Variants in IQSEC1 observed in about 807,000 individuals in gnomAD.
IQSEC1 encodes IQ motif and Sec7 domain ArfGEF 1.
IQSEC1 carries 31 observed loss-of-function variants against 91.0 expected under a neutral mutation model. That is an observed-to-expected ratio of 0.34 (90% CI 0.26 to 0.46). The LOEUF (loss-of-function observed/expected upper bound fraction) is 0.46, where lower values mean the gene tolerates loss of function less well. IQSEC1 is among the 20% of genes least tolerant of loss of function. IQSEC1 has a pLI of 1.00. For synonymous variants in IQSEC1, 699 were observed against 662.6 expected (o/e 1.05, Z -0.84); for missense variants, 1,388 against 1,575.6 (o/e 0.88, Z 2.02).
At chr3:13,189,222 A>T (rs547814629) in intron 1 of IQSEC1, among the ~76,000 whole-genome samples, 1 of 152,290 alleles carries the variant, frequency 6.6e-6, no homozygotes, top group South Asian at 2.1e-4. Context: ...TGTGCCCATG[A>T]CATTGGCTCC....
At chr3:12,982,936 C>G (rs182646839) in intron 1 of IQSEC1, among the ~76,000 whole-genome samples, 2 of 152,254 alleles carry the variant, frequency 1.3e-5, no homozygotes, top group Non-Finnish European at 2.9e-5. Context: ...TGGCAAGGTG[C>G]GGGCCCAGGT....
At chr3:13,115,011 T>C (rs1448301815) in intron 2 of IQSEC1, among the ~76,000 whole-genome samples, 1 of 151,884 alleles carries the variant, frequency 6.6e-6, no homozygotes, top group Admixed American at 6.6e-5. Flanking sequence ...CTGGGCAGTG[T>C]GGGGAGGCCC....
chr3:12,969,392 C>T (rs1306178051), intron 1 of IQSEC1, among the ~76,000 whole-genome samples: 1 of 152,122 alleles, frequency 6.6e-6, no homozygotes, highest in Non-Finnish European at 1.5e-5. Flanking sequence ...CTCACACTCA[C>T]AAGGAAGGCC....
At chr3:13,006,144 C>G (rs1576153207) in intron 1 of IQSEC1, among the ~76,000 whole-genome samples, 1 of 152,220 alleles carries the variant, frequency 6.6e-6, no homozygotes, top group African/African-American at 2.4e-5. Context: ...TCCTCCCATC[C>G]TGGTACCCAG....
intron 1 of IQSEC1, among the ~76,000 whole-genome samples, chr3:13,233,793 G>C (rs911891303): frequency 1.3e-5 from 2 of 152,156 alleles, no homozygotes; most frequent in South Asian, 2.1e-4. Context: ...CTCCCGGCAG[G>C]CTCCTGGGGA....
chr3:13,080,347 G>A (rs549299453), intron 2 of IQSEC1, among the ~76,000 whole-genome samples: 1 of 152,230 alleles, frequency 6.6e-6, no homozygotes, highest in East Asian at 1.9e-4. Flanking sequence ...GGGTGGGAGA[G>A]GAGAGATGGG....
In IQSEC1 at chr3:12,922,988, C is replaced by T. The variant is rs919742958; in HGVS notation, c.1731-746G>A. ...TGGGGCAGAGAGAGGCCTGGCCACA[C>T]AGGGCCTGACCCCTCTCCCAGGGCC... On this transcript the variant is annotated intron_variant, in intron 4 of 13. Transcript: ENST00000613206. The surrounding 1 kb of genome is among the most constrained non-coding windows in gnomAD (Gnocchi z 5.1). Among the ~76,000 whole-genome samples the T allele has an allele frequency of 6.6e-6, 1 of 152,212 alleles. No homozygotes were observed. Among genetic ancestry groups the T allele is most frequent in the Non-Finnish European group, 1.5e-5 (1 of 68,032 alleles).
chr3:12,987,070 AGCC>A (rs1559700883), intron 1 of IQSEC1: 1 of 394,930 alleles, frequency 2.5e-6, no homozygotes. Flanking sequence ...GAGCTCCCTC[AGCC>A]GTCCCCCATC....
chr3:13,019,069 T>TC (rs565479860), intron 1 of IQSEC1, among the ~76,000 whole-genome samples: 235 of 151,194 alleles, frequency 1.6e-3, no homozygotes, highest in African/African-American at 5.5e-3. Context: ...CTGGCATGGC[T>TC]CCCCCCCAAC....
chr3:13,203,946 C>G (rs892379301), intron 1 of IQSEC1, among the ~76,000 whole-genome samples: 1 of 152,220 alleles, frequency 6.6e-6, no homozygotes, highest in African/African-American at 2.4e-5. Context: ...GGCTGGGACT[C>G]GGCTTTCCTG....
At chr3:13,050,136 C>T (rs1704642783) in intron 1 of IQSEC1, among the ~76,000 whole-genome samples, 1 of 151,554 alleles carries the variant, frequency 6.6e-6, no homozygotes, top group African/African-American at 2.4e-5. Flanking sequence ...TGCCCCACCC[C>T]TCCAAGACAG....
At chr3:12,915,873 G>A in intron 6 of IQSEC1, 140 bp from the exon 7 acceptor site, 1 of 957,054 alleles carries the variant, frequency 1.0e-6, no homozygotes, top group South Asian at 1.6e-5. Flanking sequence ...ACAGCAACAG[G>A]ACATTTTCAG....
In IQSEC1 at chr3:13,172,768, C is replaced by T. The variant is rs562586644; in HGVS notation, c.273-8635G>A. ...AGGGATGGCAGCAGGACTCCACACC[C>T]GGGGGTCTACCCAGGCTGGTACCAT... is the stretch of plus-strand genomic sequence containing the variant. On this transcript the variant is annotated intron_variant, in intron 1 of 15. Transcript: ENST00000648114. Among the ~76,000 whole-genome samples, 12 of 152,308 alleles carry T rather than the reference C, an allele frequency of 7.9e-5. No individual in the cohort carries two copies. In the South Asian group the frequency reaches 2.1e-3, roughly 26 times the overall value.
intron 1 of IQSEC1, among the ~76,000 whole-genome samples, chr3:12,991,529 T>TCC (rs1701990396): frequency 1.3e-5 from 2 of 151,858 alleles, no homozygotes; most frequent in African/African-American, 4.8e-5. Context: ...AGCCCCCCAC[T>TCC]CCCCACCTGC....
intron 1 of IQSEC1, among the ~76,000 whole-genome samples, chr3:13,037,646 C>T (rs1011525739): frequency 2.1e-4 from 32 of 152,188 alleles, no homozygotes; most frequent in African/African-American, 7.2e-4. Context: ...ATAAGCAAAA[C>T]GTGGTCCATA....
rs908111044 is a variant in IQSEC1 at position 12,907,452 on chromosome 3, C to T, written c.2755+897G>A. The stretch of plus-strand genomic sequence containing the variant: ...CGTGGGACAAGCTGGGCCACTGCAG[C>T]CCCAGGCAGTCCCCGGGGCCCCTCC... On this transcript the variant is annotated intron_variant, in intron 12 of 13. Transcript: ENST00000613206. Among the ~76,000 whole-genome samples, 28 of 152,326 alleles carry T rather than the reference C, an allele frequency of 1.8e-4. 1 individual carries two copies. Among genetic ancestry groups the T allele is most frequent in the Admixed American group, 1.1e-3 (17 of 15,304 alleles).
In IQSEC1 at chr3:12,935,779, G is replaced by A. The variant is rs749559790; in HGVS notation, c.1237C>T (p.Pro413Ser). The A allele has an allele frequency of 1.2e-6, 2 of 1,607,542 alleles. No individual in the cohort carries two copies. Among genetic ancestry groups the A allele is most frequent in the South Asian group, 2.2e-5 (2 of 91,046 alleles). The change falls in exon 3 of 14, where the codon CCC (proline) becomes TCC (serine). Residue 413 changes from proline (P) to serine (S), a missense_variant. Around this residue, in one of 2 missense-constraint regions of IQSEC1, gnomAD observed 1,059 missense variants for 1,317.8 expected, o/e 0.80. Coordinates refer to ENST00000613206, the MANE Select transcript of IQSEC1 (RefSeq NM_001134382.3). The surrounding 1 kb of genome is among the most constrained non-coding windows in gnomAD (Gnocchi z 8.0). ...SPKHGPHSGA[P>S]KSLPREEPEL... ...GGCTCCTCCCGGGGGAGGCTCTTGG[G>A]GGCGCCGCTGTGGGGACCATGCTTG... is the stretch of plus-strand genomic sequence containing the variant.
chr3:13,089,732 T>C (rs1029096528), intron 2 of IQSEC1, among the ~76,000 whole-genome samples: 2 of 152,102 alleles, frequency 1.3e-5, no homozygotes, highest in Non-Finnish European at 2.9e-5. Context: ...AACAGGCAAA[T>C]CCATAGAGGT....
chr3:12,932,167 G>A (rs111401785), intron 3 of IQSEC1, among the ~76,000 whole-genome samples: 4 of 152,312 alleles, frequency 2.6e-5, no homozygotes, highest in East Asian at 1.9e-4. Flanking sequence ...AGCAGGAGAC[G>A]CTGGGGTGGG....
Sources: allele counts gnomAD v4.1 joint callset (sites outside exome capture counted in the v4.1 genomes callset), GRCh38; gene constraint gnomAD v4.1.1; regional missense constraint gnomAD v4.1.1; non-coding constraint Gnocchi (gnomAD v3.1); transcripts MANE v1.5; gene names NCBI Gene and HGNC (gene_info 2026-07-23, HGNC 2026-07-21).